Variants in OCA2 observed in about 807,000 individuals in gnomAD.
OCA2 encodes the protein P protein.
OCA2 carries 77 observed loss-of-function variants against 100.2 expected under a neutral mutation model. That is an observed-to-expected ratio of 0.77 (90% CI 0.64 to 0.93). OCA2 has a LOEUF of 0.93. Among genes scored for constraint, OCA2 ranks in the 40% least tolerant of loss-of-function variants. The pLI is 0.00. For synonymous variants in OCA2, 432 were observed against 439.2 expected (o/e 0.98, Z 0.21); for missense variants, 1,062 against 1,089.1 (o/e 0.98, Z 0.35).
At chr15:28,051,331 C>T (rs933086920) in intron 2 of OCA2, among the ~76,000 whole-genome samples, 2 of 152,146 alleles carry the variant, frequency 1.3e-5, no homozygotes, top group Non-Finnish European at 2.9e-5. Context: ...TCACTCTTGT[C>T]ACTCAGGCTG....
At chr15:27,748,026 A>G in the OCA2 span, among the ~76,000 whole-genome samples, 2 of 152,158 alleles carry the variant, frequency 1.3e-5, no homozygotes, top group Non-Finnish European at 2.9e-5. Flanking sequence ...CCCAGCCAGA[A>G]TTATTCCTGG....
chr15:27,948,826 G>A (rs1354017711), intron 18 of OCA2, among the ~76,000 whole-genome samples: 1 of 152,150 alleles, frequency 6.6e-6, no homozygotes, highest in Non-Finnish European at 1.5e-5. Flanking sequence ...TACACTGTGT[G>A]AGACAAGCCA....
chr15:27,892,013 A>G (rs2037482305), intron 19 of OCA2, among the ~76,000 whole-genome samples: 1 of 152,208 alleles, frequency 6.6e-6, no homozygotes, highest in South Asian at 2.1e-4. Context: ...TCCACCAGGA[A>G]GATACAACAA....
intron 4 of OCA2, 94 bp from the exon 5 acceptor site, chr15:28,024,996 C>G: frequency 8.8e-7 from 1 of 1,142,732 alleles, no homozygotes; most frequent in South Asian, 1.3e-5. Flanking sequence ...ACTTCCATCT[C>G]AAAGCATGTG....
chr15:27,761,793 C>T (rs1279661252), intron 23 of OCA2, among the ~76,000 whole-genome samples: 1 of 152,210 alleles, frequency 6.6e-6, no homozygotes, highest in Non-Finnish European at 1.5e-5. Context: ...GGCCAGAACA[C>T]AGAACCTGAA....
chr15:27,995,351 A>C (rs1364267221), intron 9 of OCA2, among the ~76,000 whole-genome samples: 1 of 152,220 alleles, frequency 6.6e-6, no homozygotes, highest in African/African-American at 2.4e-5. Context: ...GATATATCAC[A>C]TATTAGGTCA....
intron 2 of OCA2, among the ~76,000 whole-genome samples, chr15:28,057,317 C>T (rs993736969): frequency 9.2e-5 from 14 of 152,128 alleles, no homozygotes; most frequent in Non-Finnish European, 1.9e-4. Context: ...AGCTAGAATC[C>T]AATGCTCATG....
intron 14 of OCA2, among the ~76,000 whole-genome samples, 169 bp from the exon 15 acceptor site, chr15:27,966,991 G>A (rs553329185): frequency 3.9e-5 from 6 of 152,186 alleles, no homozygotes; most frequent in Non-Finnish European, 7.3e-5. Flanking sequence ...TTAACTGGGC[G>A]TGGTGGCGGG....
In OCA2 at chr15:27,908,666, C is replaced by T. The variant is rs148236604; in HGVS notation, c.2079+17461G>A. 1.3e-4 allele frequency among the ~76,000 whole-genome samples: 20 copies of T among 152,252 alleles called. 1 individual carries two copies. Among genetic ancestry groups the T allele is most frequent in the South Asian group, 6.2e-4 (3 of 4,828 alleles). On this transcript the variant is annotated intron_variant, in intron 19 of 23. Coordinates refer to ENST00000354638, the MANE Select transcript of OCA2 (RefSeq NM_000275.3). ...ACAGATCCATGTGAGGCTTCCTTCTCGCTCTTCCTCCCATGGTGGGGGCTC... is the reference window on the plus strand; with the variant it reads ...ACAGATCCATGTGAGGCTTCCTTCTTGCTCTTCCTCCCATGGTGGGGGCTC...
intron 2 of OCA2, among the ~76,000 whole-genome samples, chr15:28,071,249 T>C (rs937148771): frequency 2.0e-5 from 3 of 150,576 alleles, no homozygotes; most frequent in African/African-American, 2.4e-5. Context: ...CTACAAAACA[T>C]TGCTGAAAGA....
At chr15:27,822,473 T>C (rs28653482) in intron 23 of OCA2, among the ~76,000 whole-genome samples, 76,744 of 151,998 alleles carry the variant, frequency 0.5, 19,979 homozygotes, top group South Asian at 0.76. Flanking sequence ...TTCATGCAAA[T>C]GAATCTTTCA....
At chr15:27,922,582 A>G (rs1185757734) in intron 19 of OCA2, among the ~76,000 whole-genome samples, 1 of 152,138 alleles carries the variant, frequency 6.6e-6, no homozygotes, top group Non-Finnish European at 1.5e-5. Flanking sequence ...AACTTTTTAT[A>G]ATAGATTTGT....
chr15:28,064,552 T>C (rs2043967261), intron 2 of OCA2, among the ~76,000 whole-genome samples: 1 of 152,158 alleles, frequency 6.6e-6, no homozygotes, highest in Non-Finnish European at 1.5e-5. Context: ...AAATCTGCTG[T>C]TGAATGCCAC....
At position 27,971,032 on chromosome 15, in the gene OCA2, A is replaced by G. The variant is rs377738339; in HGVS notation, c.1504-4210T>C. On this transcript the variant is annotated intron_variant, in intron 14 of 23. Coordinates refer to ENST00000354638, the MANE Select transcript of OCA2 (RefSeq NM_000275.3). ...AGCATGCAAGGCATGGTGGGAAAAC[A>G]TAATTATAATGTCCCAGCAAGCACA... is the stretch of plus-strand genomic sequence containing the variant. Among the ~76,000 whole-genome samples the G allele has an allele frequency of 2.9e-4, 44 of 150,562 alleles. No individual in the cohort carries two copies. The South Asian group carries it at 8.7e-3, about 30-fold the overall frequency.
chr15:27,819,640 G>A (rs572952172), intron 23 of OCA2, among the ~76,000 whole-genome samples: 80 of 152,334 alleles, frequency 5.3e-4, no homozygotes, highest in African/African-American at 1.7e-3. Context: ...AATTATCCAT[G>A]TGGTAATGAT....
chr15:28,084,809 C>G (rs2044748523), intron 1 of OCA2, among the ~76,000 whole-genome samples: 1 of 152,240 alleles, frequency 6.6e-6, no homozygotes. Context: ...TTCACCCCAA[C>G]AGGCTCCTGC....
At chr15:27,831,114 C>A (rs1381013378) in intron 23 of OCA2, among the ~76,000 whole-genome samples, 1 of 151,878 alleles carries the variant, frequency 6.6e-6, no homozygotes, top group African/African-American at 2.4e-5. Flanking sequence ...GGTGAAAACT[C>A]ATCTCTACTA....
At chr15:27,722,623 CCCTTCCTTCCTT>C in the OCA2 span, among the ~76,000 whole-genome samples, 4 of 112,280 alleles carry the variant, frequency 3.6e-5, no homozygotes, top group Non-Finnish European at 8.0e-5. Context: ...CTTCCTTCCT[CCCTTCCTTCCTT>C]TCCTTCCTTC....
intron 18 of OCA2, among the ~76,000 whole-genome samples, chr15:27,946,508 G>A (rs1414003799): frequency 2.0e-5 from 3 of 152,174 alleles, no homozygotes; most frequent in Admixed American, 1.3e-4. Context: ...CCTCACTTCC[G>A]ATTCCCGTAC....
Sources: allele counts gnomAD v4.1 joint callset (sites outside exome capture counted in the v4.1 genomes callset), GRCh38; gene constraint gnomAD v4.1.1; transcripts MANE v1.5; gene names NCBI Gene and HGNC (gene_info 2026-07-23, HGNC 2026-07-21).